ZNF365: variants seen among roughly 807,000 people sequenced by gnomAD.
ZNF365 encodes the protein zinc finger protein 365.
A neutral mutation model predicts 35.0 loss-of-function variants in ZNF365; 22 were observed. The ratio of observed to expected loss-of-function variants is 0.63; its 90% confidence interval spans 0.45 to 0.90. The LOEUF (loss-of-function observed/expected upper bound fraction) is 0.90. ZNF365 is among the 40% of genes least tolerant of loss of function. The pLI is 0.00. For missense variants in ZNF365, 448 were observed against 500.3 expected, an observed-to-expected ratio of 0.90 and a Z score of 1.00; for synonymous variants, 188 against 196.2, an observed-to-expected ratio of 0.96 and a Z score of 0.35.
chr10:62,408,830 A>G (rs147356588), intron 3 of ZNF365, among the ~76,000 whole-genome samples: 6 of 152,128 alleles, frequency 3.9e-5, no homozygotes, highest in East Asian at 1.9e-4. Context: ...TCATATCTTG[A>G]TGCGTTGGTT....
At chr10:62,380,398 A>T (rs1295976919) in intron 2 of ZNF365, among the ~76,000 whole-genome samples, 5 of 152,260 alleles carry the variant, frequency 3.3e-5, no homozygotes, top group African/African-American at 1.2e-4. Context: ...TTACTTTAAG[A>T]ATACAGATAT....
At chr10:62,397,684 C>CA (rs1279074564) in intron 3 of ZNF365, among the ~76,000 whole-genome samples, 13 of 152,182 alleles carry the variant, frequency 8.5e-5, no homozygotes, top group African/African-American at 3.1e-4. Flanking sequence ...GAAATCATCT[C>CA]AATGATAGAC....
chr10:62,438,193 G>GTT (rs11357058), intron 3 of ZNF365, among the ~76,000 whole-genome samples: 11 of 142,648 alleles, frequency 7.7e-5, no homozygotes, highest in African/African-American at 2.3e-4. Flanking sequence ...TTTTGTTTTT[G>GTT]TTTTTTTTTT....
At chr10:62,425,764 G>A (rs190943618) in intron 3 of ZNF365, among the ~76,000 whole-genome samples, 2 of 152,238 alleles carry the variant, frequency 1.3e-5, no homozygotes, top group Admixed American at 6.5e-5. Flanking sequence ...ACCATCGGAT[G>A]TACCATATAT....
chr10:62,419,263 A>T (rs568326576), intron 3 of ZNF365, among the ~76,000 whole-genome samples: 19 of 152,098 alleles, frequency 1.2e-4, no homozygotes, highest in Non-Finnish European at 2.5e-4. Context: ...TAATCTTACT[A>T]TGTTTGCAAA....
At chr10:62,436,098 A>G (rs1840402549) in intron 3 of ZNF365, among the ~76,000 whole-genome samples, 1 of 152,090 alleles carries the variant, frequency 6.6e-6, no homozygotes. Context: ...AGCCTTACTG[A>G]TGCACTGGTC....
chr10:62,475,247 G>A (rs762298117), intron 4 of ZNF365, among the ~76,000 whole-genome samples: 13 of 152,116 alleles, frequency 8.5e-5, no homozygotes, highest in Non-Finnish European at 1.5e-4. Context: ...TTGTAATTGG[G>A]ATGACTCAAA....
chr10:62,427,256 G>T (rs968681222), intron 3 of ZNF365, among the ~76,000 whole-genome samples: 3 of 152,040 alleles, frequency 2.0e-5, no homozygotes, highest in Non-Finnish European at 4.4e-5. Flanking sequence ...CTATGATGGC[G>T]GTCCCATGAG....
chr10:62,413,652 A>C (rs1840024331), intron 3 of ZNF365, among the ~76,000 whole-genome samples: 1 of 151,748 alleles, frequency 6.6e-6, no homozygotes, highest in South Asian at 2.1e-4. Context: ...AGTATCCAGC[A>C]TCACTTGGAA....
intron 4 of ZNF365, among the ~76,000 whole-genome samples, chr10:62,462,445 A>G (rs1267110174): frequency 1.3e-5 from 2 of 152,138 alleles, no homozygotes; most frequent in African/African-American, 2.4e-5. Flanking sequence ...GGCTGTGTGT[A>G]CTCCAAGGGA....
chr10:62,479,338 C>T (rs1224980000), intron 4 of ZNF365, among the ~76,000 whole-genome samples: 1 of 152,102 alleles, frequency 6.6e-6, no homozygotes, highest in East Asian at 1.9e-4. Flanking sequence ...ATAGAAAAAG[C>T]ACAGAAGACA....
Position 62,401,155 on chromosome 10 carries a change from A to C in ZNF365, c.*1366A>C, listed in dbSNP as rs1356527338. The C allele has an allele frequency of 1.0e-6, 1 of 955,754 alleles. No individual in the cohort carries two copies. Among genetic ancestry groups the C allele is most frequent in the African/African-American group, 1.8e-5 (1 of 56,746 alleles). 59.2% of individuals were successfully genotyped at this position (955,754 alleles called of 1,614,324 possible). A position where few individuals can be genotyped will look rare whatever the true frequency, so the allele number is the denominator to read the frequency against. On this transcript the variant is annotated 3_prime_UTR_variant, in exon 5 of 5. Coordinates refer to ENST00000395254, the MANE Select transcript of ZNF365 (RefSeq NM_014951.3). ...ACATATATACATATATATAACACAT[A>C]CAAAATATATATGTTAAGTATATTA... is the stretch of plus-strand genomic sequence containing the variant.
intron 3 of ZNF365, among the ~76,000 whole-genome samples, chr10:62,407,699 C>T (rs1564577733): frequency 6.6e-6 from 1 of 152,176 alleles, no homozygotes; most frequent in Non-Finnish European, 1.5e-5. Context: ...GGCATATGAA[C>T]CTGTTGGTCC....
chr10:62,476,342 G>A (rs1841131020), intron 4 of ZNF365, among the ~76,000 whole-genome samples: 1 of 152,186 alleles, frequency 6.6e-6, no homozygotes, highest in South Asian at 2.1e-4. Context: ...GTGTGCCACA[G>A]TTGGGATTCT....
At chr10:62,408,385 G>T (rs149005928) in intron 3 of ZNF365, among the ~76,000 whole-genome samples, 6 of 152,226 alleles carry the variant, frequency 3.9e-5, no homozygotes, top group African/African-American at 1.2e-4. Flanking sequence ...CCTGTTTGAA[G>T]ATATTAACCT....
At chr10:62,477,061 C>T (rs1996318) in intron 4 of ZNF365, among the ~76,000 whole-genome samples, 57,181 of 152,054 alleles carry the variant, frequency 0.38, 10,850 homozygotes, top group African/African-American at 0.38. Context: ...CCAGATACCA[C>T]GCCTGGCATG....
At chr10:62,473,472 G>C (rs1437588208) in intron 4 of ZNF365, among the ~76,000 whole-genome samples, 1 of 152,078 alleles carries the variant, frequency 6.6e-6, no homozygotes, top group East Asian at 1.9e-4. Flanking sequence ...TAGTATCCTG[G>C]TTATGAGTTT....
At chr10:62,415,599 T>C (rs2132443127) in intron 3 of ZNF365, among the ~76,000 whole-genome samples, 1 of 152,296 alleles carries the variant, frequency 6.6e-6, no homozygotes, top group Admixed American at 6.5e-5. Flanking sequence ...AATTTACTCT[T>C]ATTTCTCTAG....
intron 4 of ZNF365, among the ~76,000 whole-genome samples, chr10:62,470,993 T>C (rs1204004340): frequency 2.0e-5 from 2 of 100,440 alleles, no homozygotes; most frequent in Non-Finnish European, 3.9e-5. Flanking sequence ...TTCATGCATT[T>C]TTTTTTTTTA....
Sources: gnomAD v4.1 joint callset for allele counts (sites outside exome capture counted in the v4.1 genomes callset) on GRCh38, gnomAD v4.1.1 for gene constraint, MANE v1.5 for transcripts, NCBI Gene and HGNC (gene_info 2026-07-23, HGNC 2026-07-21) for gene names.